TRMT44: variants seen among roughly 807,000 people sequenced by gnomAD.
TRMT44 encodes the protein probable tRNA (uracil-O(2)-)-methyltransferase.
In TRMT44, 78 loss-of-function variants were observed where a neutral mutation model predicts 77.3. The observed-to-expected ratio is 1.01, with a 90% CI of 0.84 to 1.22. The LOEUF (loss-of-function observed/expected upper bound fraction) is 1.22. Ranked by LOEUF, TRMT44 falls within the 50% of genes most tolerant of loss-of-function variation. TRMT44 has a pLI of 0.00. For missense variants in TRMT44, 1,090 were observed against 964.4 expected (o/e 1.13, Z -1.73); for synonymous variants, 391 against 383.3 (o/e 1.02, Z -0.23).
chr4:8,504,818 C>T, the TRMT44 span, among the ~76,000 whole-genome samples: 3 of 152,186 alleles, frequency 2.0e-5, no homozygotes, highest in Non-Finnish European at 4.4e-5. The surrounding 1 kb of genome is among the most constrained non-coding windows in gnomAD (Gnocchi z 5.3). Flanking sequence ...GTGCCAGCCC[C>T]GTCTGCCTCA....
rs746235503 is a variant in TRMT44, at chr4:8,451,989, G to T, written c.984G>T (p.Lys328Asn). The change falls in exon 4 of 11, where the codon AAG becomes AAT. Residue 328 changes from lysine (K) to asparagine (N), a missense_variant. Physicochemically the swap from Lys to Asn is moderately conservative, Grantham distance 94. Coordinates refer to ENST00000389737, the MANE Select transcript of TRMT44 (RefSeq NM_152544.3). This position sits in a 1 kb window ranked among gnomAD's most constrained non-coding sequence, Gnocchi z 4.1. ...KVWPEVTDPE[K>N]FVYEDVAIAA... ...GGCCTGAAGTCACTGATCCTGAGAAGTTCGTGTATGAAGATGTGGCTATCG... is the reference window on the plus strand; with the variant it reads ...GGCCTGAAGTCACTGATCCTGAGAATTTCGTGTATGAAGATGTGGCTATCG... 4.9e-4 allele frequency: 754 copies of T among 1,536,688 alleles called. 1 individual carries two copies. Among genetic ancestry groups the T allele is most frequent in the Non-Finnish European group, 6.2e-4 (714 of 1,147,056 alleles).
At chr4:8,487,072 C>T (rs1410114648) in intron 2 of TRMT44, among the ~76,000 whole-genome samples, 1 of 152,080 alleles carries the variant, frequency 6.6e-6, no homozygotes, top group Non-Finnish European at 1.5e-5. Flanking sequence ...TAAAAGAATG[C>T]CTGGACGTCA....
chr4:8,466,949 G>C (rs1726600985), intron 8 of TRMT44, among the ~76,000 whole-genome samples: 1 of 152,270 alleles, frequency 6.6e-6, no homozygotes, highest in Admixed American at 6.5e-5. Flanking sequence ...CTGTCACGTA[G>C]TGAGGAGGTC....
At chr4:8,494,625 C>T (rs1489804217), downstream of TRMT44, among the ~76,000 whole-genome samples, 8 of 152,170 alleles carry the variant, frequency 5.3e-5, no homozygotes, top group African/African-American at 1.9e-4. Flanking sequence ...TGTCTCATGT[C>T]TCCCTAAAAA....
chr4:8,455,166 C>T (rs776372880), intron 6 of TRMT44, among the ~76,000 whole-genome samples: 2 of 152,330 alleles, frequency 1.3e-5, no homozygotes, highest in Non-Finnish European at 2.9e-5. Flanking sequence ...CCAAAGGCTG[C>T]TCGTTCAGTC....
At chr4:8,468,581 A>C in intron 9 of TRMT44, 1 of 595,562 alleles carries the variant, frequency 1.7e-6, no homozygotes, top group Non-Finnish European at 3.0e-6. Flanking sequence ...TTGGACCCTT[A>C]ATTAACTTTT....
intron 9 of TRMT44, among the ~76,000 whole-genome samples, chr4:8,470,281 C>G (rs1268949134): frequency 6.6e-6 from 1 of 152,160 alleles, no homozygotes; most frequent in African/African-American, 2.4e-5. Flanking sequence ...GCACCAGGCT[C>G]CTGGGTCAGG....
At chr4:8,449,994 ACCC>A in intron 3 of TRMT44, 106 bp downstream of exon 3, 1 of 580,296 alleles carries the variant, frequency 1.7e-6, no homozygotes, top group South Asian at 2.4e-5. Context: ...TTGTTCTGTC[ACCC>A]CCCCAAAAAA....
rs1445055405 is a variant in TRMT44, at chr4:8,441,245, T to A, written c.423T>A (p.Asp141Glu). Residue 141 changes from aspartate to glutamate, a missense_variant, in exon 1 of 11, where the codon GAT becomes GAA. Coordinates refer to ENST00000389737, the MANE Select transcript of TRMT44 (RefSeq NM_152544.3). Reference sequence around the variant, plus strand: ...GGGAGGGCGACTTCCCCGCCGCAGATCTGGATTCGCTTTGGGAGGATTTCT... The same window carrying A: ...GGGAGGGCGACTTCCCCGCCGCAGAACTGGATTCGCTTTGGGAGGATTTCT... ...EGREGDFPAA[D>E]LDSLWEDFSQ... 6.5e-7 allele frequency: 1 copy of A among 1,535,500 alleles called. No homozygotes were observed. The highest frequency in any genetic ancestry group is 2.4e-5 in the East Asian group (1 of 40,920).
Position 8,444,788 on chromosome 4 carries a change from T to C in TRMT44, c.620-1688T>C, listed in dbSNP as rs893679041. 2.6e-5 allele frequency among the ~76,000 whole-genome samples: 4 copies of C among 152,240 alleles called. No homozygotes were observed. The highest frequency in any genetic ancestry group is 2.1e-4 in the South Asian group (1 of 4,834). ...GTTTGAGGGGATGGATGCCCCATTC[T>C]CCATGATGTGATTAGTTCACATTGC... On this transcript the variant is annotated intron_variant, in intron 1 of 10. Coordinates refer to ENST00000389737, the MANE Select transcript of TRMT44 (RefSeq NM_152544.3). This position sits in a 1 kb window ranked among gnomAD's most constrained non-coding sequence, Gnocchi z 4.0.
At chr4:8,455,241 A>C (rs907495824) in intron 6 of TRMT44, among the ~76,000 whole-genome samples, 1 of 152,222 alleles carries the variant, frequency 6.6e-6, no homozygotes, top group African/African-American at 2.4e-5. Flanking sequence ...CAGATGAGCC[A>C]CAAAGGGCGG....
Position 8,486,193 on chromosome 4 carries a change from C to T in TRMT44, n.3891+6660C>T, listed in dbSNP as rs182669113. The stretch of plus-strand genomic sequence containing the variant: ...ATGGGACACAGCTTAGGGGGAATCT[C>T]GGGCTGCGGGCATTCCTTGGCCTGG... On this transcript the variant is annotated intron_variant and non_coding_transcript_variant, in intron 2 of 2. Coordinates refer to the TRMT44 transcript ENST00000511366. Among the ~76,000 whole-genome samples, 11 of 152,310 alleles carry T rather than the reference C, an allele frequency of 7.2e-5. No individual in the cohort carries two copies. In the East Asian group the frequency reaches 1.5e-3, roughly 21 times the overall value.
At chr4:8,475,144 CA>C (rs2109195817) in intron 10 of TRMT44, among the ~76,000 whole-genome samples, 2 of 152,362 alleles carry the variant, frequency 1.3e-5, no homozygotes, top group South Asian at 4.1e-4. Context: ...GGGACGGCAC[CA>C]AGGAGCAGAG....
chr4:8,490,158 T>TTC (rs1727953093), intron 2 of TRMT44, among the ~76,000 whole-genome samples: 1 of 151,962 alleles, frequency 6.6e-6, no homozygotes, highest in African/African-American at 2.4e-5. Context: ...CACCCGTTCC[T>TTC]TGGCCACCCC....
chr4:8,467,811 C>T, intron 8 of TRMT44, 103 bp from the exon 9 acceptor site: 7 of 1,244,770 alleles, frequency 5.6e-6, no homozygotes, highest in South Asian at 4.6e-5. Flanking sequence ...TCATGATAGA[C>T]ATTGAAAACT....
the TRMT44 span, among the ~76,000 whole-genome samples, chr4:8,512,956 G>A: frequency 1.7e-3 from 255 of 152,146 alleles, 1 homozygote; most frequent in African/African-American, 5.6e-3. Context: ...TCTCTCGCCC[G>A]GGCTGGAGTG....
Position 8,476,228 on chromosome 4 carries a change from G to C in TRMT44, c.*227G>C, listed in dbSNP as rs971261658. 3 of 587,140 alleles carry C rather than the reference G, an allele frequency of 5.1e-6. No homozygotes were observed. The African/African-American group carries it at 5.6e-5, about 11-fold the overall frequency. 36.4% of individuals were successfully genotyped at this position (587,140 alleles called of 1,614,324 possible). ...GACTGCCTGGCTTGTTTCAGATGCA[G>C]CCGCTTGAAACGTGCGCAGCATCTT... On this transcript the variant is annotated 3_prime_UTR_variant, in exon 11 of 11. Coordinates refer to ENST00000389737, the MANE Select transcript of TRMT44 (RefSeq NM_152544.3).
At chr4:8,459,722 C>G (rs1726032609) in intron 6 of TRMT44, among the ~76,000 whole-genome samples, 1 of 152,168 alleles carries the variant, frequency 6.6e-6, no homozygotes, top group South Asian at 2.1e-4. Context: ...GGAGAAAAAA[C>G]AGCTGTACAC....
At chr4:8,489,677 C>G (rs903655136) in intron 2 of TRMT44, among the ~76,000 whole-genome samples, 4 of 152,146 alleles carry the variant, frequency 2.6e-5, no homozygotes, top group Non-Finnish European at 4.4e-5. Flanking sequence ...GGGGTTTCAC[C>G]ATGTTGGCCA....
Sources: gnomAD v4.1 joint callset for allele counts (sites outside exome capture counted in the v4.1 genomes callset) on GRCh38, gnomAD v4.1.1 for gene constraint, Gnocchi (gnomAD v3.1) non-coding constraint, MANE v1.5 for transcripts, NCBI Gene and HGNC (gene_info 2026-07-23, HGNC 2026-07-21) for gene names.